The following MR1 variants were observed in gnomAD, a reference collection of about 807,000 sequenced individuals.
MR1 encodes the protein major histocompatibility complex class I-related protein 1.
A neutral mutation model predicts 37.8 loss-of-function variants in MR1; 44 were observed. That is an observed-to-expected ratio of 1.16 (90% CI 0.91 to 1.50). The LOEUF is 1.50. Among genes scored for constraint, MR1 ranks in the 40% most tolerant of loss-of-function variants. The pLI is 0.00. For missense variants in MR1, 386 were observed against 419.1 expected (o/e 0.92, Z 0.69); for synonymous variants, 153 against 155.8 (o/e 0.98, Z 0.13).
intron 1 of MR1, among the ~76,000 whole-genome samples, chr1:181,044,677 A>G (rs1192620312): frequency 6.6e-6 from 1 of 152,188 alleles, no homozygotes; most frequent in Non-Finnish European, 1.5e-5. Context: ...GCTGAGGTTT[A>G]CACAACAAAC....
intron 1 of MR1, among the ~76,000 whole-genome samples, chr1:181,045,867 G>C (rs1024527486): frequency 6.6e-6 from 1 of 152,254 alleles, no homozygotes; most frequent in African/African-American, 2.4e-5. Context: ...GGCTGCGGGC[G>C]GCGCTTGCGG....
chr1:181,037,656 G>GT (rs1322524554), intron 1 of MR1, among the ~76,000 whole-genome samples: 5 of 152,156 alleles, frequency 3.3e-5, no homozygotes, highest in African/African-American at 4.8e-5. Flanking sequence ...GACAAAGGAT[G>GT]TTTTTTCTGA....
chr1:181,048,947 G>C lies in MR1; in HGVS notation c.68-105G>C, dbSNP rs968341684. 16 of 1,432,466 alleles carry C rather than the reference G, an allele frequency of 1.1e-5. No individual in the cohort carries two copies. In the East Asian group the frequency reaches 3.7e-4, roughly 33 times the overall value. The allele number at this position is 1,432,466 out of a possible 1,614,324, so 88.7% of individuals were successfully genotyped here. ...AATGGCAGCTGGGGCGTGGAGGCCT[G>C]GGTACAGCTGAGTAGGGAGCACTCG... On this transcript the variant is annotated intron_variant, in intron 1 of 5. Coordinates refer to ENST00000367580, the MANE Select transcript of MR1 (RefSeq NM_001385161.1).
At chr1:181,038,758 T>C (rs772946219) in intron 1 of MR1, among the ~76,000 whole-genome samples, 2 of 152,250 alleles carry the variant, frequency 1.3e-5, no homozygotes, top group Non-Finnish European at 2.9e-5. Context: ...CCTTCACTTA[T>C]GGATTCTGAG....
In MR1 at chr1:181,060,536, C is replaced by T. The variant is rs1388512684; in HGVS notation, c.*5271C>T. ...ACTACAGTGAGACTGACTACCTTAG[C>T]TTACCTCTGTGAAAGGAGTTAAGCC... On this transcript the variant is annotated 3_prime_UTR_variant, in exon 6 of 6. Coordinates refer to ENST00000367580, the MANE Select transcript of MR1 (RefSeq NM_001385161.1). 4 of 152,238 alleles carry T rather than the reference C, an allele frequency of 2.6e-5. No homozygotes were observed. The highest frequency in any genetic ancestry group is 7.2e-5 in the African/African-American group (3 of 41,458). 9.4% of individuals were successfully genotyped at this position (152,238 alleles called of 1,614,324 possible).
Position 181,050,370 on chromosome 1 carries a change from C to T in MR1, c.604+84C>T, listed in dbSNP as rs545350030. The T allele has an allele frequency of 3.9e-5, 61 of 1,546,432 alleles. 1 individual carries two copies. Among genetic ancestry groups the T allele is most frequent in the East Asian group, 1.8e-4 (8 of 44,394 alleles). ...ACTCTTTTAATCTAGGTTATATCCACTGTATCCTGAAAGCCATCTCTTTAG... is the reference window on the plus strand; with the variant it reads ...ACTCTTTTAATCTAGGTTATATCCATTGTATCCTGAAAGCCATCTCTTTAG... On this transcript the variant is annotated intron_variant, in intron 3 of 5. Coordinates refer to ENST00000367580, the MANE Select transcript of MR1 (RefSeq NM_001385161.1).
chr1:181,052,567 G>A, intron 4 of MR1, 57 bp downstream of exon 4: 3 of 1,566,900 alleles, frequency 1.9e-6, no homozygotes, highest in African/African-American at 1.4e-5. Flanking sequence ...GGGTGAGCAG[G>A]AAACCATGCT....
In MR1 at chr1:181,059,707, T is replaced by G. The variant is rs1472608920; in HGVS notation, c.*4442T>G. 6.6e-6 allele frequency: 1 copy of G among 152,370 alleles called. No homozygotes were observed. Among genetic ancestry groups the G allele is most frequent in the African/African-American group, 2.4e-5 (1 of 41,442 alleles). 9.4% of individuals were successfully genotyped at this position (152,370 alleles called of 1,614,324 possible). On this transcript the variant is annotated 3_prime_UTR_variant, in exon 6 of 6. Transcript: ENST00000367580. The stretch of plus-strand genomic sequence containing the variant: ...GAGTGAGTATCCCAAGAGATCACAG[T>G]CAAAGTGCATAGCATTTATATAATC...
At chr1:181,046,734 C>G (rs551337210) in intron 1 of MR1, among the ~76,000 whole-genome samples, 3 of 152,280 alleles carry the variant, frequency 2.0e-5, no homozygotes, top group East Asian at 3.9e-4. Flanking sequence ...CTGCTGCTCA[C>G]TCTTTGGGTC....
In MR1 at chr1:181,034,090, C is replaced by T. The variant is rs367809639; in HGVS notation, c.67+16C>T. The T allele has an allele frequency of 1.9e-5, 30 of 1,607,814 alleles. No homozygotes were observed. The highest frequency in any genetic ancestry group is 2.5e-5 in the Non-Finnish European group (30 of 1,177,852). On this transcript the variant is annotated intron_variant, in intron 1 of 5. Transcript: ENST00000367580. ...AGCGATTCCCGTGAGTATCCCACGT[C>T]CTCTTCTCTCCTAACTCCAAAGTCG...
chr1:181,047,111 G>T (rs573794324), intron 1 of MR1, among the ~76,000 whole-genome samples: 1 of 152,206 alleles, frequency 6.6e-6, no homozygotes, highest in East Asian at 1.9e-4. Flanking sequence ...CTTTGTCTCC[G>T]TCAGGCCCTA....
chr1:181,045,470 C>T (rs940953317), intron 1 of MR1, among the ~76,000 whole-genome samples: 13 of 152,044 alleles, frequency 8.6e-5, no homozygotes, highest in African/African-American at 3.1e-4. Flanking sequence ...ATGCACGCCC[C>T]GCCTTCTCGA....
intron 1 of MR1, among the ~76,000 whole-genome samples, chr1:181,045,908 T>TGGCGGGCCCTGCACTGGGGGCA (rs1269127516): frequency 6.6e-5 from 10 of 152,166 alleles, no homozygotes; most frequent in African/African-American, 2.2e-4. Flanking sequence ...GGCGTGGGCT[T>TGGCGGGCCCTGCACTGGGGGCA]GGCGGGCCCT....
chr1:181,045,062 A>G (rs1657777226), intron 1 of MR1, among the ~76,000 whole-genome samples: 1 of 152,182 alleles, frequency 6.6e-6, no homozygotes, highest in African/African-American at 2.4e-5. Context: ...GGGATAGAAC[A>G]TATTTCAAGT....
At chr1:181,041,931 A>G (rs1657574678) in intron 1 of MR1, among the ~76,000 whole-genome samples, 2 of 152,176 alleles carry the variant, frequency 1.3e-5, no homozygotes, top group Admixed American at 6.5e-5. Context: ...GTACAAGCTT[A>G]GGGCCTAGAA....
At position 181,059,761 on chromosome 1, in the gene MR1, T is replaced by C. The variant is rs1022492416; in HGVS notation, c.*4496T>C. 6 of 152,376 alleles carry C rather than the reference T, an allele frequency of 3.9e-5. No homozygotes were observed. The highest frequency in any genetic ancestry group is 1.2e-4 in the African/African-American group (5 of 41,580). The allele number at this position is 152,376 out of a possible 1,614,324, so 9.4% of individuals were successfully genotyped here. A position where few individuals can be genotyped will look rare whatever the true frequency, so the allele number is the denominator to read the frequency against. On this transcript the variant is annotated 3_prime_UTR_variant, in exon 6 of 6. Transcript: ENST00000367580. ...TCTTGGAAGTCACAAAATGTCATTC[T>C]TGTGATACTCTCATTGGTGAAGAAG... is the stretch of plus-strand genomic sequence containing the variant.
At chr1:181,038,708 A>G (rs1429880154) in intron 1 of MR1, among the ~76,000 whole-genome samples, 2 of 152,226 alleles carry the variant, frequency 1.3e-5, no homozygotes, top group East Asian at 3.8e-4. Context: ...CTCAAGGTAG[A>G]GGGACTTCCC....
At chr1:181,038,302 T>C (rs1356219499) in intron 1 of MR1, among the ~76,000 whole-genome samples, 1 of 152,258 alleles carries the variant, frequency 6.6e-6, no homozygotes, top group Non-Finnish European at 1.5e-5. Context: ...AGGGGACTAA[T>C]GGTTCTTGCT....
rs1361481437 is a variant in MR1, at chr1:181,052,390, C to T, written c.760C>T (p.Pro254Ser). The T allele has an allele frequency of 1.9e-6, 3 of 1,614,052 alleles. No homozygotes were observed. The Admixed American group carries it at 5.0e-5, about 27-fold the overall frequency. The change falls in exon 4 of 6, where the codon CCC becomes TCC. Residue 254 changes from proline to serine, a missense_variant. Transcript: ENST00000367580. ...VQEIDYGDIL[P>S]SGDGTYQAWA... ...AGAAATTGATTATGGAGACATTCTT[C>T]CCAGTGGGGATGGAACCTATCAGGC...
Sources: gnomAD v4.1 joint callset for allele counts (sites outside exome capture counted in the v4.1 genomes callset) on GRCh38, gnomAD v4.1.1 for gene constraint, MANE v1.5 for transcripts, NCBI Gene and HGNC (gene_info 2026-07-23, HGNC 2026-07-21) for gene names.